The following GABBR2 variants were observed in gnomAD, a reference collection of about 807,000 sequenced individuals.
GABBR2 encodes gamma-aminobutyric acid type B receptor subunit 2.
A neutral mutation model predicts 105.6 loss-of-function variants in GABBR2; 23 were observed. The ratio of observed to expected loss-of-function variants is 0.22; its 90% CI spans 0.16 to 0.31. The LOEUF (loss-of-function observed/expected upper bound fraction) is 0.31. Ranked by LOEUF, GABBR2 falls within the 10% of genes least tolerant of loss-of-function variation. The pLI is 1.00. For missense variants in GABBR2, 734 were observed against 1,245.5 expected (o/e 0.59, Z 6.18); for synonymous variants, 478 against 499.7 (o/e 0.96, Z 0.58).
intron 1 of GABBR2, among the ~76,000 whole-genome samples, chr9:98,673,446 A>C (rs777588964): frequency 5.3e-5 from 8 of 152,318 alleles, no homozygotes; most frequent in Admixed American, 3.3e-4. Context: ...AATTAAAATC[A>C]CCGTATCTTA....
chr9:98,436,269 A>G (rs1267973628), intron 7 of GABBR2, among the ~76,000 whole-genome samples: 2 of 107,408 alleles, frequency 1.9e-5, no homozygotes, highest in Non-Finnish European at 3.7e-5. Context: ...TGTTATTTAA[A>G]CAACAACAAC....
At chr9:98,557,342 T>C (rs567943903) in intron 2 of GABBR2, among the ~76,000 whole-genome samples, 29 of 152,284 alleles carry the variant, frequency 1.9e-4, no homozygotes, top group African/African-American at 6.3e-4. Flanking sequence ...TCACCTGTAC[T>C]GTCATTGCAT....
intron 1 of GABBR2, among the ~76,000 whole-genome samples, chr9:98,654,409 G>A (rs1485634341): frequency 6.6e-6 from 1 of 152,178 alleles, no homozygotes; most frequent in African/African-American, 2.4e-5. Flanking sequence ...TATTATCTTC[G>A]TCATCATTCA....
chr9:98,507,703 G>A (rs561941483), intron 3 of GABBR2, among the ~76,000 whole-genome samples: 1 of 152,104 alleles, frequency 6.6e-6, no homozygotes, highest in Non-Finnish European at 1.5e-5. Context: ...TTGTTCCCAG[G>A]CTAGCAGTGA....
chr9:98,345,536 CTG>C (rs1831288646), intron 13 of GABBR2, among the ~76,000 whole-genome samples: 2 of 152,188 alleles, frequency 1.3e-5, no homozygotes. Flanking sequence ...TTCCTGAAGA[CTG>C]AGAACAAAGC....
chr9:98,707,930 C>A (rs1025356153), intron 1 of GABBR2, among the ~76,000 whole-genome samples: 2 of 152,242 alleles, frequency 1.3e-5, no homozygotes, highest in Non-Finnish European at 2.9e-5. Flanking sequence ...GGTTCCGGAG[C>A]CTTCCGGACC....
At chr9:98,485,712 C>T (rs1827032176) in intron 4 of GABBR2, among the ~76,000 whole-genome samples, 1 of 152,230 alleles carries the variant, frequency 6.6e-6, no homozygotes, top group South Asian at 2.1e-4. Context: ...ATTATGCTCA[C>T]TTTGGAAAGA....
At chr9:98,409,148 G>T (rs1254564874) in intron 7 of GABBR2, among the ~76,000 whole-genome samples, 1 of 152,232 alleles carries the variant, frequency 6.6e-6, no homozygotes, top group Non-Finnish European at 1.5e-5. Flanking sequence ...GGGAGGCAGG[G>T]TTGTGGCTGG....
chr9:98,382,374 C>T (rs1427372677), intron 11 of GABBR2, among the ~76,000 whole-genome samples: 1 of 152,160 alleles, frequency 6.6e-6, no homozygotes, highest in Non-Finnish European at 1.5e-5. Flanking sequence ...AGTGCAGTGG[C>T]ACGATCTCGG....
In GABBR2 at chr9:98,303,377, C is replaced by T. The variant is rs2131350185; in HGVS notation, c.2276G>A (p.Arg759Gln). The T allele has an allele frequency of 1.2e-6, 2 of 1,614,092 alleles. No individual in the cohort carries two copies. Among genetic ancestry groups the T allele is most frequent in the Non-Finnish European group, 1.7e-6 (2 of 1,179,920 alleles). Reference sequence around the variant, plus strand: ...CTTCTGATTCTGAGTGAACTGGAATCGCCTGTTCTGCGTTGCTGCATCTGG... The same window carrying T: ...CTTCTGATTCTGAGTGAACTGGAATTGCCTGTTCTGCGTTGCTGCATCTGG... ...TNPDAATQNR[R>Q]FQFTQNQKKE... The change falls in exon 16 of 19, where the codon CGA (arginine) becomes CAA (glutamine). Residue 759 changes from arginine to glutamine, a missense_variant. Physicochemically the swap from Arg to Gln is conservative, Grantham distance 43. Coordinates refer to ENST00000259455, the MANE Select transcript of GABBR2 (RefSeq NM_005458.8).
intron 6 of GABBR2, among the ~76,000 whole-genome samples, chr9:98,462,080 A>G (rs1348823179): frequency 6.6e-6 from 1 of 152,198 alleles, no homozygotes; most frequent in Non-Finnish European, 1.5e-5. Context: ...AATCATCAAG[A>G]CAGGGTGATT....
chr9:98,519,144 G>C (rs899936563), intron 3 of GABBR2, among the ~76,000 whole-genome samples: 17 of 152,328 alleles, frequency 1.1e-4, no homozygotes, highest in Admixed American at 1.0e-3. Flanking sequence ...CCCCTGGGCT[G>C]TGAGCAACTG....
chr9:98,627,372 C>T (rs185408994), intron 1 of GABBR2, among the ~76,000 whole-genome samples: 1 of 152,296 alleles, frequency 6.6e-6, no homozygotes, highest in East Asian at 1.9e-4. Context: ...ACCCAGGAAA[C>T]AGGCTACAGC....
Position 98,340,183 on chromosome 9 carries a change from GTT to G in GABBR2, c.1893+22530_1893+22531del, listed in dbSNP as rs796454954. Among the ~76,000 whole-genome samples the G allele has an allele frequency of 8.6e-3, 500 of 57,846 alleles. 3 individuals carry two copies. The highest frequency in any genetic ancestry group is 0.027 in the African/African-American group (438 of 16,102). The allele number at this position is 57,846 out of a possible 152,430, so 37.9% of individuals were successfully genotyped here. A position where few individuals can be genotyped will look rare whatever the true frequency, so the allele number is the denominator to read the frequency against. ...ATTTATTGCTTTAATCCAGTGAGGG[GTT>G]TTTTTTTTTTTTTTGTTACTACAGC... On this transcript the variant is annotated intron_variant, in intron 13 of 18. Transcript: ENST00000259455.
At chr9:98,612,784 G>A (rs1829523736) in intron 1 of GABBR2, among the ~76,000 whole-genome samples, 1 of 152,200 alleles carries the variant, frequency 6.6e-6, no homozygotes, top group Admixed American at 6.5e-5. Context: ...GGCTCTGAGT[G>A]CAATACAGAC....
chr9:98,384,498 G>C (rs920443578), intron 11 of GABBR2, among the ~76,000 whole-genome samples: 2 of 152,082 alleles, frequency 1.3e-5, no homozygotes, highest in Non-Finnish European at 2.9e-5. Flanking sequence ...GCTGAGGCAG[G>C]AGAATCACTT....
intron 1 of GABBR2, among the ~76,000 whole-genome samples, chr9:98,618,659 T>C (rs1011732990): frequency 1.4e-4 from 22 of 152,166 alleles, no homozygotes; most frequent in African/African-American, 4.6e-4. Context: ...CTTCTCTCAG[T>C]GTGTCTCTCT....
chr9:98,684,744 A>G (rs1046454325), intron 1 of GABBR2, among the ~76,000 whole-genome samples: 1 of 152,214 alleles, frequency 6.6e-6, no homozygotes, highest in East Asian at 1.9e-4. Flanking sequence ...TGAAAGCAAC[A>G]TCTATGGTAG....
intron 13 of GABBR2, among the ~76,000 whole-genome samples, chr9:98,344,515 A>G (rs1831271174): frequency 6.6e-6 from 1 of 152,176 alleles, no homozygotes; most frequent in South Asian, 2.1e-4. Flanking sequence ...GACACCTGTC[A>G]GTCCTTGCCT....
Sources: gnomAD v4.1 joint callset for allele counts (sites outside exome capture counted in the v4.1 genomes callset) on GRCh38, gnomAD v4.1.1 for gene constraint, MANE v1.5 for transcripts, NCBI Gene and HGNC (gene_info 2026-07-23, HGNC 2026-07-21) for gene names.